The following SLC44A5 variants were observed in gnomAD, a reference collection of about 807,000 sequenced individuals.
SLC44A5 encodes solute carrier family 44 member 5.
Under a neutral mutation model 101.8 loss-of-function variants are expected in SLC44A5, and 57 were observed. The observed-to-expected ratio is 0.56, with a 90% CI of 0.45 to 0.70. The LOEUF is 0.70. SLC44A5 is among the 30% of genes least tolerant of loss of function. The pLI, the probability that SLC44A5 is intolerant of heterozygous loss-of-function variation, is 0.00. For missense variants in SLC44A5, 737 were observed against 853.1 expected, an observed-to-expected ratio of 0.86 and a Z score of 1.70; for synonymous variants, 281 against 290.9, an observed-to-expected ratio of 0.97 and a Z score of 0.35.
chr1:75,373,734 A>C (rs1159404751), intron 3 of SLC44A5, among the ~76,000 whole-genome samples: 7 of 152,106 alleles, frequency 4.6e-5, no homozygotes, highest in African/African-American at 1.7e-4. Flanking sequence ...GAGGTTGCCC[A>C]CAGCACAGCC....
At chr1:75,675,262 T>C in the SLC44A5 span, among the ~76,000 whole-genome samples, 1 of 152,198 alleles carries the variant, frequency 6.6e-6, no homozygotes, top group South Asian at 2.1e-4. Context: ...TGTTTTTTCA[T>C]TTGTTGTGTC....
chr1:75,696,861 A>G, the SLC44A5 span, among the ~76,000 whole-genome samples: 1 of 151,886 alleles, frequency 6.6e-6, no homozygotes, highest in African/African-American at 2.4e-5. Context: ...CGAGATCCAG[A>G]CTGGGCAACA....
chr1:75,491,782 G>T (rs1668440277), intron 2 of SLC44A5, among the ~76,000 whole-genome samples: 1 of 151,980 alleles, frequency 6.6e-6, no homozygotes, highest in Non-Finnish European at 1.5e-5. Context: ...AACATCACAG[G>T]ATCTGCAGGA....
chr1:75,338,884 C>CA (rs1657653490), intron 4 of SLC44A5, among the ~76,000 whole-genome samples: 3 of 152,064 alleles, frequency 2.0e-5, no homozygotes, highest in Non-Finnish European at 4.4e-5. Context: ...CAAAGTTAAG[C>CA]AAAAAACAGC....
Position 75,203,594 on chromosome 1 carries a change from A to G in SLC44A5, c.*133T>C. ...AGTACAGTATAAGCTTTGGTATAAA[A>G]CATGCAAATGCAAGCCAACAAGGTC... On this transcript the variant is annotated 3_prime_UTR_variant, in exon 24 of 24. Coordinates refer to ENST00000370859, the MANE Select transcript of SLC44A5 (RefSeq NM_001130058.2). The G allele has an allele frequency of 9.3e-7, 1 of 1,078,016 alleles. No individual in the cohort carries two copies. 66.8% of individuals were successfully genotyped at this position (1,078,016 alleles called of 1,614,324 possible).
intron 3 of SLC44A5, among the ~76,000 whole-genome samples, chr1:75,392,159 A>T (rs2101365044): frequency 6.6e-6 from 1 of 152,286 alleles, no homozygotes; most frequent in South Asian, 2.1e-4. Context: ...CAAAAAAAAA[A>T]ATTGACAAGT....
chr1:75,307,817 A>C (rs1655023686), intron 4 of SLC44A5, among the ~76,000 whole-genome samples: 1 of 152,182 alleles, frequency 6.6e-6, no homozygotes, highest in African/African-American at 2.4e-5. Context: ...GTGAGAGCTG[A>C]GATTTTATTA....
the SLC44A5 span, among the ~76,000 whole-genome samples, chr1:75,632,708 A>G: frequency 6.6e-6 from 1 of 152,160 alleles, no homozygotes; most frequent in Non-Finnish European, 1.5e-5. Context: ...TCTATTACCC[A>G]CAGGGAATAT....
chr1:75,338,329 A>G (rs1182408809), intron 4 of SLC44A5, among the ~76,000 whole-genome samples: 1 of 151,910 alleles, frequency 6.6e-6, no homozygotes, highest in African/African-American at 2.4e-5. Flanking sequence ...CACCTCTTTT[A>G]CTACACCTAA....
At chr1:75,466,712 T>A (rs1163873951) in intron 2 of SLC44A5, among the ~76,000 whole-genome samples, 1 of 141,778 alleles carries the variant, frequency 7.1e-6, no homozygotes, top group Non-Finnish European at 1.5e-5. Flanking sequence ...AAAAGCCATA[T>A]ATAACAGATT....
chr1:75,673,015 C>T, the SLC44A5 span, among the ~76,000 whole-genome samples: 1 of 152,152 alleles, frequency 6.6e-6, no homozygotes, highest in Non-Finnish European at 1.5e-5. Flanking sequence ...AGGTATGACT[C>T]AGCACATTCC....
chr1:75,495,822 G>A (rs1461290546), intron 2 of SLC44A5, among the ~76,000 whole-genome samples: 5 of 152,030 alleles, frequency 3.3e-5, no homozygotes, highest in Non-Finnish European at 7.3e-5. Context: ...GTTTTTGTGG[G>A]TATATAGGAT....
intron 2 of SLC44A5, among the ~76,000 whole-genome samples, chr1:75,509,930 A>T (rs908150335): frequency 2.0e-5 from 3 of 152,176 alleles, no homozygotes; most frequent in African/African-American, 7.2e-5. Context: ...AGTTTAATTG[A>T]CTCACAGTTC....
chr1:75,263,047 A>T (rs1003324779), intron 6 of SLC44A5, among the ~76,000 whole-genome samples: 1 of 152,234 alleles, frequency 6.6e-6, no homozygotes, highest in African/African-American at 2.4e-5. Context: ...AACTTAGGCA[A>T]TACCATTTAG....
At chr1:75,282,575 C>T (rs1041893170) in intron 5 of SLC44A5, among the ~76,000 whole-genome samples, 8 of 152,100 alleles carry the variant, frequency 5.3e-5, no homozygotes, top group African/African-American at 1.9e-4. Flanking sequence ...AAAATTTCAT[C>T]TTGAATTATA....
At chr1:75,233,940 A>G (rs775922004) in intron 12 of SLC44A5, 46 bp downstream of exon 12, 17 of 1,353,272 alleles carry the variant, frequency 1.3e-5, no homozygotes, top group African/African-American at 2.9e-5. Context: ...TTGAAAATAA[A>G]AGGATTATTC....
rs137980312 is a variant in SLC44A5 at position 75,358,507 on chromosome 1, C to T, written c.53-18877G>A. On this transcript the variant is annotated intron_variant, in intron 3 of 23. Transcript: ENST00000370859. ...GTATATAATGTGATGATTTGATATA[C>T]ATTGTGAAATAACTACTACAATCAT... 2.0e-3 allele frequency among the ~76,000 whole-genome samples: 309 copies of T among 152,140 alleles called. 2 individuals are homozygous for T. Among genetic ancestry groups the T allele is most frequent in the African/African-American group, 7.0e-3 (290 of 41,522 alleles).
chr1:75,315,331 C>T (rs888943717), intron 4 of SLC44A5, among the ~76,000 whole-genome samples: 5 of 152,088 alleles, frequency 3.3e-5, no homozygotes, highest in Non-Finnish European at 5.9e-5. Flanking sequence ...TCTATAAAGT[C>T]TTTGGTTTTC....
At chr1:75,562,622 G>A (rs1157013552) in intron 1 of SLC44A5, among the ~76,000 whole-genome samples, 1 of 152,078 alleles carries the variant, frequency 6.6e-6, no homozygotes, top group Non-Finnish European at 1.5e-5. Flanking sequence ...CGGAGATGGA[G>A]TCTGCAGTGA....
Sources: allele counts gnomAD v4.1 joint callset (sites outside exome capture counted in the v4.1 genomes callset), GRCh38; gene constraint gnomAD v4.1.1; transcripts MANE v1.5; gene names NCBI Gene and HGNC (gene_info 2026-07-23, HGNC 2026-07-21).